Variants in ABCC1 observed in about 807,000 individuals in gnomAD.
ABCC1 encodes ATP binding cassette subfamily C member 1 (ABCC1 blood group), also known as multidrug resistance-associated protein 1.
ABCC1 carries 83 observed loss-of-function variants against 172.9 expected under a neutral mutation model. That is an observed-to-expected ratio of 0.48 (90% CI 0.40 to 0.58). The LOEUF (loss-of-function observed/expected upper bound fraction) is 0.58, where lower values mean the gene tolerates loss of function less well. Among genes scored for constraint, ABCC1 ranks in the 20% least tolerant of loss-of-function variants. The probability of loss-of-function intolerance (pLI) is 0.00; values close to 1 mark genes in which losing one functional copy is unlikely to be tolerated. For missense variants in ABCC1, 1,817 were observed against 2,002.7 expected (o/e 0.91, Z 1.77); for synonymous variants, 937 against 825.2 (o/e 1.14, Z -2.32).
At chr16:16,030,829 C>T (rs750413526) in intron 5 of ABCC1, among the ~76,000 whole-genome samples, 20 of 151,868 alleles carry the variant, frequency 1.3e-4, no homozygotes, top group Non-Finnish European at 2.2e-4. Flanking sequence ...TTGCCTGGTG[C>T]GGGTAGGGCC....
At chr16:16,132,480 A>G (rs1393344662) in intron 27 of ABCC1, among the ~76,000 whole-genome samples, 2 of 144,692 alleles carry the variant, frequency 1.4e-5, no homozygotes, top group Non-Finnish European at 3.0e-5. Context: ...GGCCCCTGGA[A>G]GAAGTTCTTT....
At position 16,072,720 on chromosome 16, in the gene ABCC1, G is replaced by A. The variant is rs1394329305; in HGVS notation, c.1912+991G>A. Among the ~76,000 whole-genome samples, 9 of 151,960 alleles carry A rather than the reference G, an allele frequency of 5.9e-5. No individual in the cohort carries two copies. The South Asian group carries it at 1.5e-3, about 25-fold the overall frequency. ...CCCATCCCCCTGAGCCAGGGATGTT[G>A]TTTGTAACCATCTCTCTAGGCACTT... On this transcript the variant is annotated intron_variant, in intron 14 of 30. Coordinates refer to ENST00000399410, the MANE Select transcript of ABCC1 (RefSeq NM_004996.4).
intron 1 of ABCC1, among the ~76,000 whole-genome samples, chr16:15,978,361 C>A (rs1430984905): frequency 6.6e-6 from 1 of 151,812 alleles, no homozygotes; most frequent in Non-Finnish European, 1.5e-5. Context: ...GAGTGAAACC[C>A]CATCTCAAAC....
Position 16,083,455 on chromosome 16 carries a change from A to G in ABCC1, c.2205A>G (p.Pro735=), listed in dbSNP as rs759197310. The change falls in exon 17 of 31, where the codon CCA becomes CCG. Residue 735 remains proline, a synonymous_variant. Coordinates refer to ENST00000399410, the MANE Select transcript of ABCC1 (RefSeq NM_004996.4). ...NILFGCQLEE[P]YYRSVIQACA... ...TTTTTGGATGTCAGCTGGAGGAACC[A>G]TATTACAGGTCCGTGATACAGGCCT... is the stretch of plus-strand genomic sequence containing the variant. The G allele has an allele frequency of 1.6e-5, 26 of 1,613,848 alleles. No homozygotes were observed. Among genetic ancestry groups the G allele is most frequent in the Non-Finnish European group, 2.2e-5 (26 of 1,180,054 alleles).
chr16:15,979,909 A>G (rs772568460), intron 1 of ABCC1, among the ~76,000 whole-genome samples: 3 of 152,184 alleles, frequency 2.0e-5, no homozygotes, highest in Non-Finnish European at 2.9e-5. Context: ...AGGTCCATTC[A>G]TAGATGCCCT....
At chr16:16,082,531 C>T (rs767424894) in intron 16 of ABCC1, among the ~76,000 whole-genome samples, 11 of 150,050 alleles carry the variant, frequency 7.3e-5, no homozygotes, top group Admixed American at 1.4e-4. Context: ...TGATACCTGA[C>T]ATATGGAAAT....
intron 1 of ABCC1, among the ~76,000 whole-genome samples, chr16:15,957,813 C>T (rs12449241): frequency 0.59 from 89,057 of 152,036 alleles, 26,612 homozygotes; most frequent in East Asian, 0.68. Flanking sequence ...AGCATGGCCT[C>T]GATCTCTTGA....
At position 16,102,672 on chromosome 16, in the gene ABCC1, A is replaced by G; in HGVS notation, c.2690A>G (p.Glu897Gly). 1 of 1,592,664 alleles carries G rather than the reference A, an allele frequency of 6.3e-7. No homozygotes were observed. Among genetic ancestry groups the G allele is most frequent in the African/African-American group, 1.3e-5 (1 of 74,760 alleles). ...CCAGGGAAGGAAGCAAAGCAAATGG[A>G]GAATGGCATGCTGGTGACGGACAGT... ...SGPGKEAKQM[E>G]NGMLVTDSAG... Residue 897 changes from glutamate to glycine, a missense_variant, in exon 20 of 31, where the codon GAG becomes GGG. This residue lies in a region of ABCC1 where 1,412 missense variants were observed against 1,600.3 expected (regional missense o/e 0.88). Transcript: ENST00000399410.
At chr16:16,023,243 A>G (rs2048255601) in intron 5 of ABCC1, among the ~76,000 whole-genome samples, 1 of 152,150 alleles carries the variant, frequency 6.6e-6, no homozygotes, top group South Asian at 2.1e-4. Context: ...CCTTCGAAAT[A>G]TATTAGTATT....
Position 16,016,484 on chromosome 16 carries a change from C to A in ABCC1, c.490-12C>A, listed in dbSNP as rs747322003. On this transcript the variant is annotated splice_polypyrimidine_tract_variant and intron_variant, in intron 4 of 30. Transcript: ENST00000399410. ...ATGTGATCTTTTTCTTCCTTCCTTC[C>A]CCACCATGTAGGATGCCCAGGTGGA... 4 of 1,613,698 alleles carry A rather than the reference C, an allele frequency of 2.5e-6. No individual in the cohort carries two copies. In the South Asian group the frequency reaches 3.3e-5, roughly 13 times the overall value.
intron 30 of ABCC1, among the ~76,000 whole-genome samples, chr16:16,140,854 G>A (rs984832202): frequency 6.6e-6 from 1 of 152,186 alleles, no homozygotes; most frequent in African/African-American, 2.4e-5. Context: ...GTTGCCAATC[G>A]TTATTGTAGA....
At chr16:16,030,319 C>T (rs2048519505) in intron 5 of ABCC1, among the ~76,000 whole-genome samples, 2 of 152,010 alleles carry the variant, frequency 1.3e-5, no homozygotes, top group Non-Finnish European at 2.9e-5. Context: ...GTCAGGAGTT[C>T]GAGACCAGCC....
chr16:16,110,486 T>C (rs1304222348), intron 21 of ABCC1, among the ~76,000 whole-genome samples: 1 of 151,898 alleles, frequency 6.6e-6, no homozygotes, highest in Non-Finnish European at 1.5e-5. Flanking sequence ...GCCTACTGGG[T>C]TCAAGCCATT....
At chr16:15,974,301 A>G (rs991888997) in intron 1 of ABCC1, among the ~76,000 whole-genome samples, 7 of 152,126 alleles carry the variant, frequency 4.6e-5, no homozygotes, top group Non-Finnish European at 8.8e-5. Context: ...TTGTGGAGAC[A>G]AGAAGGCAGC....
intron 1 of ABCC1, among the ~76,000 whole-genome samples, chr16:15,955,819 T>C (rs1209139001): frequency 6.6e-6 from 1 of 152,180 alleles, no homozygotes; most frequent in Non-Finnish European, 1.5e-5. Flanking sequence ...AAAGATCGGC[T>C]CCATAGGGGC....
chr16:16,109,408 C>T (rs901602157), intron 21 of ABCC1, among the ~76,000 whole-genome samples: 1 of 152,164 alleles, frequency 6.6e-6, no homozygotes, highest in Non-Finnish European at 1.5e-5. Flanking sequence ...AACTCCTGGG[C>T]TCAAGTCATT....
intron 23 of ABCC1, among the ~76,000 whole-genome samples, chr16:16,116,410 C>T (rs993333384): frequency 3.9e-5 from 6 of 152,120 alleles, no homozygotes; most frequent in Non-Finnish European, 8.8e-5. Context: ...TTGAATCCTA[C>T]ATATCCTGTT....
intron 5 of ABCC1, 81 bp from the exon 6 acceptor site, chr16:16,033,028 A>T: frequency 7.2e-7 from 1 of 1,379,520 alleles, no homozygotes; most frequent in Non-Finnish European, 1.0e-6. Context: ...GCAGCTGACT[A>T]CTTGCTAAGC....
At chr16:16,025,185 A>G (rs762679203) in intron 5 of ABCC1, among the ~76,000 whole-genome samples, 12 of 152,146 alleles carry the variant, frequency 7.9e-5, no homozygotes, top group Non-Finnish European at 1.2e-4. Flanking sequence ...ACTGCTGGAC[A>G]TTTAGGCTCC....
Sources: gnomAD v4.1 joint callset for allele counts (sites outside exome capture counted in the v4.1 genomes callset) on GRCh38, gnomAD v4.1.1 for gene constraint, gnomAD v4.1.1 regional missense constraint, MANE v1.5 for transcripts, NCBI Gene and HGNC (gene_info 2026-07-23, HGNC 2026-07-21) for gene names.